The following CDC14A variants were observed in gnomAD, a reference collection of about 807,000 sequenced individuals.
CDC14A encodes the protein cell division cycle 14A, also known as dual specificity protein phosphatase CDC14A.
In CDC14A, 53 loss-of-function variants were observed where a neutral mutation model predicts 74.4. The observed-to-expected ratio is 0.71, with a 90% CI of 0.57 to 0.89. The LOEUF (loss-of-function observed/expected upper bound fraction) is 0.89, where lower values mean the gene tolerates loss of function less well. Ranked by LOEUF, CDC14A falls within the 40% of genes least tolerant of loss-of-function variation. The pLI is 0.00. For synonymous variants in CDC14A, 247 were observed against 258.4 expected (o/e 0.96, Z 0.43); for missense variants, 646 against 713.7 (o/e 0.91, Z 1.08).
chr1:100,483,977 A>C (rs1669778274), intron 10 of CDC14A, among the ~76,000 whole-genome samples: 1 of 152,200 alleles, frequency 6.6e-6, no homozygotes, highest in African/African-American at 2.4e-5. Context: ...TTTCAAATTT[A>C]TATTTAAAAG....
At chr1:100,418,768 GTC>G in intron 4 of CDC14A, among the ~76,000 whole-genome samples, 1 of 152,294 alleles carries the variant, frequency 6.6e-6, no homozygotes, top group South Asian at 2.1e-4. Context: ...GCTTAGTTCC[GTC>G]TCTCAAGCTG....
intron 4 of CDC14A, among the ~76,000 whole-genome samples, chr1:100,399,074 T>C (rs1422446607): frequency 6.6e-6 from 1 of 152,176 alleles, no homozygotes; most frequent in African/African-American, 2.4e-5. Flanking sequence ...TTTTTTCCCT[T>C]ACAATTAAAA....
chr1:100,419,690 G>T (rs1662016921), intron 4 of CDC14A, among the ~76,000 whole-genome samples: 1 of 151,972 alleles, frequency 6.6e-6, no homozygotes, highest in African/African-American at 2.4e-5. Flanking sequence ...AAATCATAGT[G>T]CTTTAAGACT....
chr1:100,478,940 T>C (rs1292112908), intron 10 of CDC14A, among the ~76,000 whole-genome samples: 1 of 152,208 alleles, frequency 6.6e-6, no homozygotes, highest in African/African-American at 2.4e-5. Flanking sequence ...AGGTGAGACC[T>C]GAGAGTGTGC....
At chr1:100,438,407 A>G (rs562889755) in intron 5 of CDC14A, among the ~76,000 whole-genome samples, 123 of 152,318 alleles carry the variant, frequency 8.1e-4, no homozygotes, top group Non-Finnish European at 1.5e-3. Flanking sequence ...TCTGAACCCC[A>G]AAGACAAGTG....
rs58978094 is a variant in CDC14A at position 100,464,926 on chromosome 1, CTTT to C, written c.838+2058_838+2060del. Among the ~76,000 whole-genome samples the C allele has an allele frequency of 2.3e-4, 32 of 138,812 alleles. 1 individual carries two copies. The highest frequency in any genetic ancestry group is 6.3e-4 in the African/African-American group (24 of 38,002). The allele number at this position is 138,812 out of a possible 152,430, so 91.1% of individuals were successfully genotyped here. The stretch of plus-strand genomic sequence containing the variant: ...TTGCAAATTTCTTTTCTTTTCTTTT[CTTT>C]TTTTTTTTTTTTGAGACAAAGAGTC... On this transcript the variant is annotated intron_variant, in intron 9 of 15. Transcript: ENST00000336454.
At chr1:100,359,087 AGAG>A (rs1186523993) in intron 2 of CDC14A, among the ~76,000 whole-genome samples, 1 of 152,222 alleles carries the variant, frequency 6.6e-6, no homozygotes, top group Non-Finnish European at 1.5e-5. Flanking sequence ...TATAGACAGA[AGAG>A]GAGATTTGGT....
chr1:100,482,582 C>T (rs578258627), intron 10 of CDC14A, among the ~76,000 whole-genome samples: 1 of 152,032 alleles, frequency 6.6e-6, no homozygotes, highest in Non-Finnish European at 1.5e-5. Context: ...TTTATAATAT[C>T]GGACTTCATT....
chr1:100,435,281 A>G (rs1054024849), intron 5 of CDC14A, among the ~76,000 whole-genome samples: 7 of 152,212 alleles, frequency 4.6e-5, no homozygotes, highest in African/African-American at 1.7e-4. Flanking sequence ...AAGAGAGCAA[A>G]GTAGGGAGTT....
intron 15 of CDC14A, among the ~76,000 whole-genome samples, chr1:100,504,300 G>C (rs1192095908): frequency 6.6e-6 from 1 of 152,162 alleles, no homozygotes; most frequent in Non-Finnish European, 1.5e-5. Context: ...GAAGGTTGTA[G>C]GTAATGTCAG....
intron 10 of CDC14A, among the ~76,000 whole-genome samples, chr1:100,479,140 T>C (rs549903137): frequency 7.2e-5 from 11 of 152,366 alleles, no homozygotes; most frequent in African/African-American, 2.6e-4. Context: ...ACCATTGCTT[T>C]TTTATTTCAG....
At chr1:100,458,886 T>TA (rs1666996405) in intron 8 of CDC14A, among the ~76,000 whole-genome samples, 3 of 152,116 alleles carry the variant, frequency 2.0e-5, no homozygotes, top group Non-Finnish European at 2.9e-5. Flanking sequence ...TTTGTGTCAA[T>TA]AGGGAACACT....
At chr1:100,453,585 CAT>C (rs778208527) in intron 7 of CDC14A, among the ~76,000 whole-genome samples, 14 of 152,270 alleles carry the variant, frequency 9.2e-5, no homozygotes, top group Middle Eastern at 3.4e-3. Flanking sequence ...TTTAATTTCA[CAT>C]GTGCAATCAT....
Position 100,462,828 on chromosome 1 carries a change from G to A in CDC14A, c.785G>A (p.Arg262Lys). Residue 262 changes from arginine to lysine, a missense_variant, in exon 9 of 16, where the codon AGG (arginine) becomes AAG (lysine). Transcript: ENST00000336454. ...GSTPSDNIVRRFLNICENTEG... is the reference protein window; with the variant it reads ...GSTPSDNIVRKFLNICENTEG... ...ACACCCAGTGACAACATCGTGCGAA[G>A]GTTCCTGAACATCTGTGAGAACACC... 1 of 1,614,058 alleles carries A rather than the reference G, an allele frequency of 6.2e-7. No homozygotes were observed. Among genetic ancestry groups the A allele is most frequent in the South Asian group, 1.1e-5 (1 of 91,072 alleles).
intron 2 of CDC14A, among the ~76,000 whole-genome samples, chr1:100,356,206 A>G (rs1651862845): frequency 6.6e-6 from 1 of 152,212 alleles, no homozygotes; most frequent in South Asian, 2.1e-4. Context: ...TTGGTACACC[A>G]TGGGACTCTT....
chr1:100,511,602 C>T (rs974205188), intron 15 of CDC14A, among the ~76,000 whole-genome samples: 2 of 152,112 alleles, frequency 1.3e-5, no homozygotes, highest in Middle Eastern at 3.2e-3. Flanking sequence ...GTTTCCTAGC[C>T]GAATAATCTC....
intron 3 of CDC14A, among the ~76,000 whole-genome samples, chr1:100,390,160 T>C (rs1657485605): frequency 6.6e-6 from 1 of 152,240 alleles, no homozygotes; most frequent in Non-Finnish European, 1.5e-5. Flanking sequence ...TAATGTGTTG[T>C]ATTAAGATGT....
rs2101014757 is a variant in CDC14A at position 100,401,835 on chromosome 1, T to C, written c.309+11011T>C. On this transcript the variant is annotated intron_variant, in intron 4 of 15. Coordinates refer to ENST00000336454, the MANE Select transcript of CDC14A (RefSeq NM_003672.4). ...GGGCGGATCACCTGAGGTCGGGAGTTCGAGACCAGCCTGACCAACAGGGAG... is the reference window on the plus strand; with the variant it reads ...GGGCGGATCACCTGAGGTCGGGAGTCCGAGACCAGCCTGACCAACAGGGAG... Among the ~76,000 whole-genome samples, 3 of 152,108 alleles carry C rather than the reference T, an allele frequency of 2.0e-5. No homozygotes were observed. In the East Asian group the frequency reaches 5.8e-4, roughly 29 times the overall value.
intron 4 of CDC14A, among the ~76,000 whole-genome samples, chr1:100,416,483 G>A (rs1213067528): frequency 6.6e-6 from 1 of 152,184 alleles, no homozygotes; most frequent in Non-Finnish European, 1.5e-5. Flanking sequence ...TAGGGAGGCT[G>A]TTTAAAGAGG....
Sources: allele counts gnomAD v4.1 joint callset (sites outside exome capture counted in the v4.1 genomes callset), GRCh38; gene constraint gnomAD v4.1.1; transcripts MANE v1.5; gene names NCBI Gene and HGNC (gene_info 2026-07-23, HGNC 2026-07-21).